The following HIBADH variants were observed in gnomAD, a reference collection of about 807,000 sequenced individuals.
HIBADH encodes the protein 3-hydroxyisobutyrate dehydrogenase, also known as 3-hydroxyisobutyrate dehydrogenase, mitochondrial.
Under a neutral mutation model 36.1 loss-of-function variants are expected in HIBADH, and 25 were observed. The observed-to-expected ratio is 0.69, with a 90% CI of 0.50 to 0.97. The LOEUF is 0.97. Among genes scored for constraint, HIBADH ranks in the 50% least tolerant of loss-of-function variants. HIBADH has a pLI of 0.00. For missense variants in HIBADH, 421 were observed against 418.0 expected (o/e 1.01, Z -0.06); for synonymous variants, 160 against 149.5 (o/e 1.07, Z -0.51).
chr7:27,662,731 G>T lies in HIBADH; in HGVS notation c.58C>A (p.Arg20=). 1 of 1,392,380 alleles carries T rather than the reference G, an allele frequency of 7.2e-7. No homozygotes were observed. Among genetic ancestry groups the T allele is most frequent in the Non-Finnish European group, 9.4e-7 (1 of 1,067,534 alleles). 86.3% of individuals were successfully genotyped at this position (1,392,380 alleles called of 1,614,324 possible). The change falls in exon 1 of 8, where the codon CGG becomes AGG. Residue 20 remains arginine, a synonymous_variant. Coordinates refer to ENST00000265395, the MANE Select transcript of HIBADH (RefSeq NM_152740.4). ...AAGCTGCCGGCTGCCGGCCGCAGCC[G>T]CCGGCTCCAGTACCGGAGACCGGAG... ...AASGLRYWSR[R]LRPAAGSFAA... is the part of the protein sequence containing the mutation.
At chr7:27,624,779 C>T (rs1449761191) in intron 4 of HIBADH, among the ~76,000 whole-genome samples, 1 of 152,194 alleles carries the variant, frequency 6.6e-6, no homozygotes, top group Non-Finnish European at 1.5e-5. Flanking sequence ...TCTAATATCT[C>T]TTGGTGTTAC....
Position 27,651,625 on chromosome 7 carries a change from A to C in HIBADH, c.92-1992T>G, listed in dbSNP as rs576628445. On this transcript the variant is annotated intron_variant, in intron 1 of 7. Transcript: ENST00000265395. Reference sequence around the variant, plus strand: ...ACTAGGAAGATTATAATTTAAAGACAGTTAATTTAACAGGCAATTCACTCT... The same window carrying C: ...ACTAGGAAGATTATAATTTAAAGACCGTTAATTTAACAGGCAATTCACTCT... Among the ~76,000 whole-genome samples, 131 of 152,344 alleles carry C rather than the reference A, an allele frequency of 8.6e-4. 3 individuals carry two copies. In the South Asian group the frequency reaches 0.027, roughly 31 times the overall value.
At chr7:27,628,335 T>A (rs998884038) in intron 4 of HIBADH, among the ~76,000 whole-genome samples, 5 of 152,146 alleles carry the variant, frequency 3.3e-5, no homozygotes, top group African/African-American at 1.2e-4. Context: ...CGAAATGATT[T>A]AAATTATTAT....
intron 4 of HIBADH, among the ~76,000 whole-genome samples, chr7:27,559,273 G>T (rs1784433630): frequency 6.6e-6 from 1 of 152,086 alleles, no homozygotes; most frequent in Non-Finnish European, 1.5e-5. Flanking sequence ...CTTGGGTTAA[G>T]GATTTCAACA....
chr7:27,530,932 G>A (rs995766792), intron 7 of HIBADH, among the ~76,000 whole-genome samples: 13 of 150,660 alleles, frequency 8.6e-5, no homozygotes, highest in African/African-American at 2.7e-4. Flanking sequence ...ACCCAAGTGC[G>A]CACACACACA....
intron 1 of HIBADH, among the ~76,000 whole-genome samples, chr7:27,655,863 C>G (rs1439246645): frequency 6.6e-6 from 1 of 152,034 alleles, no homozygotes. Context: ...TTGATAAAAA[C>G]TACTCTTGGT....
chr7:27,619,885 A>G (rs1192295123), intron 4 of HIBADH, among the ~76,000 whole-genome samples: 1 of 152,260 alleles, frequency 6.6e-6, no homozygotes, highest in Non-Finnish European at 1.5e-5. Flanking sequence ...AAAGATCAGA[A>G]AATCTATTTA....
intron 4 of HIBADH, among the ~76,000 whole-genome samples, chr7:27,598,776 C>T (rs1785072979): frequency 6.6e-6 from 1 of 152,028 alleles, no homozygotes; most frequent in Non-Finnish European, 1.5e-5. Flanking sequence ...CAGACCTAGA[C>T]AGGAATTGCT....
intron 4 of HIBADH, among the ~76,000 whole-genome samples, chr7:27,548,287 G>A (rs1784264675): frequency 6.6e-6 from 1 of 151,114 alleles, no homozygotes; most frequent in African/African-American, 2.4e-5. Context: ...CATCAAAAAT[G>A]TGATCACTGG....
intron 2 of HIBADH, among the ~76,000 whole-genome samples, chr7:27,635,109 T>TGTGTGG (rs1210791028): frequency 6.6e-6 from 1 of 151,376 alleles, no homozygotes; most frequent in Non-Finnish European, 1.5e-5. Context: ...TGTGTGTGTG[T>TGTGTGG]GTATTTGGTA....
chr7:27,558,398 A>T (rs1434870222), intron 4 of HIBADH, among the ~76,000 whole-genome samples: 1 of 151,840 alleles, frequency 6.6e-6, no homozygotes, highest in Non-Finnish European at 1.5e-5. Flanking sequence ...TACAATCTCG[A>T]CTCACTGCAA....
chr7:27,565,920 T>A (rs972937144), intron 4 of HIBADH, among the ~76,000 whole-genome samples: 2 of 152,190 alleles, frequency 1.3e-5, no homozygotes, highest in Non-Finnish European at 1.5e-5. Flanking sequence ...ATATTCTGTA[T>A]ACATATATAT....
intron 4 of HIBADH, among the ~76,000 whole-genome samples, chr7:27,585,248 T>C (rs1450997484): frequency 7.8e-6 from 1 of 128,686 alleles, no homozygotes; most frequent in Non-Finnish European, 1.6e-5. Context: ...CACGTGTGCA[T>C]ATATACACAC....
intron 4 of HIBADH, among the ~76,000 whole-genome samples, chr7:27,577,649 A>C (rs1171492636): frequency 6.6e-6 from 1 of 152,208 alleles, no homozygotes; most frequent in Non-Finnish European, 1.5e-5. Flanking sequence ...TAAAGAGAAG[A>C]CTTTGGGTGT....
At chr7:27,651,000 G>A (rs1368402324) in intron 1 of HIBADH, among the ~76,000 whole-genome samples, 1 of 152,156 alleles carries the variant, frequency 6.6e-6, no homozygotes, top group African/African-American at 2.4e-5. Flanking sequence ...AGTCTAGTGA[G>A]GGAAAAGAGA....
At chr7:27,592,278 T>A (rs1784950190) in intron 4 of HIBADH, among the ~76,000 whole-genome samples, 1 of 152,194 alleles carries the variant, frequency 6.6e-6, no homozygotes, top group Non-Finnish European at 1.5e-5. Context: ...TTGAGGTCCC[T>A]GAGGGTCCAT....
intron 4 of HIBADH, among the ~76,000 whole-genome samples, chr7:27,618,007 A>C (rs1400674609): frequency 6.6e-6 from 1 of 152,228 alleles, no homozygotes; most frequent in Non-Finnish European, 1.5e-5. Context: ...AGCACACTCT[A>C]CAGTGTCTGA....
At chr7:27,534,119 A>C (rs2128183291) in intron 6 of HIBADH, among the ~76,000 whole-genome samples, 1 of 152,352 alleles carries the variant, frequency 6.6e-6, no homozygotes, top group East Asian at 1.9e-4. Context: ...TAAAACAAGA[A>C]TTTTAAATGA....
chr7:27,639,881 T>C (rs1048318861), intron 2 of HIBADH, among the ~76,000 whole-genome samples: 2 of 152,230 alleles, frequency 1.3e-5, no homozygotes, highest in African/African-American at 4.8e-5. Flanking sequence ...TAAAACATAT[T>C]AAACTTATCA....
Sources: allele counts gnomAD v4.1 joint callset (sites outside exome capture counted in the v4.1 genomes callset), GRCh38; gene constraint gnomAD v4.1.1; transcripts MANE v1.5; gene names NCBI Gene and HGNC (gene_info 2026-07-23, HGNC 2026-07-21).